The following RASGRF2 variants were observed in gnomAD, a reference collection of about 807,000 sequenced individuals.
RASGRF2 encodes Ras protein specific guanine nucleotide releasing factor 2.
In RASGRF2, 76 loss-of-function variants were observed where a neutral mutation model predicts 151.0. The ratio of observed to expected loss-of-function variants is 0.50; its 90% CI spans 0.42 to 0.61. RASGRF2 has a LOEUF of 0.61. Among genes scored for constraint, RASGRF2 ranks in the 20% least tolerant of loss-of-function variants. RASGRF2 has a pLI of 0.00. For synonymous variants in RASGRF2, 504 were observed against 566.5 expected (o/e 0.89, Z 1.57); for missense variants, 1,148 against 1,564.6 (o/e 0.73, Z 4.49).
intron 4 of RASGRF2, 132 bp from the exon 5 acceptor site, chr5:81,073,067 G>T: frequency 8.8e-7 from 1 of 1,132,444 alleles, no homozygotes. Context: ...ATCATCCCTA[G>T]GGAATCCTTA....
At chr5:80,986,822 G>A (rs1748485998) in intron 1 of RASGRF2, among the ~76,000 whole-genome samples, 2 of 152,122 alleles carry the variant, frequency 1.3e-5, no homozygotes, top group Admixed American at 1.3e-4. Context: ...CATGGCACCT[G>A]TTTCTCTAAA....
intron 5 of RASGRF2, 29 bp downstream of exon 5, chr5:81,073,481 T>C (rs375031716): frequency 4.3e-5 from 68 of 1,588,132 alleles, no homozygotes; most frequent in Admixed American, 2.4e-4. Flanking sequence ...CAAAGAGTTA[T>C]GAGAAAAACC....
chr5:81,144,436 C>T (rs1383616049), intron 17 of RASGRF2, among the ~76,000 whole-genome samples: 2 of 152,234 alleles, frequency 1.3e-5, no homozygotes, highest in African/African-American at 4.8e-5. Flanking sequence ...CCGGCACTTA[C>T]AGCCTATGGC....
chr5:81,087,082 C>T (rs748135938), intron 9 of RASGRF2, 129 bp downstream of exon 9: 49 of 854,928 alleles, frequency 5.7e-5, no homozygotes, highest in Non-Finnish European at 8.4e-5. Context: ...CCACGGCCTT[C>T]GCCGAGGCGG....
intron 18 of RASGRF2, among the ~76,000 whole-genome samples, chr5:81,199,189 A>G (rs1299396956): frequency 6.6e-6 from 1 of 152,190 alleles, no homozygotes; most frequent in Non-Finnish European, 1.5e-5. Flanking sequence ...TCTTGACTCC[A>G]GGTTCACAGG....
At chr5:81,224,756 A>C (rs1755933555) in intron 26 of RASGRF2, among the ~76,000 whole-genome samples, 1 of 152,204 alleles carries the variant, frequency 6.6e-6, no homozygotes, top group South Asian at 2.1e-4. Context: ...ATCTCAAAAC[A>C]CTATGCTGAG....
At chr5:81,089,971 A>G (rs1752343579) in intron 9 of RASGRF2, among the ~76,000 whole-genome samples, 1 of 152,248 alleles carries the variant, frequency 6.6e-6, no homozygotes, top group Non-Finnish European at 1.5e-5. Context: ...CTAAGCTGAC[A>G]TTTTGTACAA....
Position 81,207,303 on chromosome 5 carries a change from C to CAGAT in RASGRF2, c.3026_3029dup (p.Thr1011AspfsTer27). The CAGAT allele has an allele frequency of 6.2e-7, 1 of 1,614,182 alleles. No homozygotes were observed. Among genetic ancestry groups the CAGAT allele is most frequent in the Non-Finnish European group, 8.5e-7 (1 of 1,180,030 alleles). ...CTTGTCGGCCATGGAGCTGGCAGAA[C>CAGAT]AGATCACCCTCCTGGACCATGTCAT... On this transcript the variant is annotated frameshift_variant, in exon 21 of 27. Transcript: ENST00000265080. LOFTEE classifies it high-confidence loss of function.
chr5:81,182,005 A>C (rs1260634996), intron 18 of RASGRF2, among the ~76,000 whole-genome samples: 1 of 152,150 alleles, frequency 6.6e-6, no homozygotes, highest in East Asian at 1.9e-4. Flanking sequence ...TAGTGTATGG[A>C]AGCCCTTTAC....
chr5:81,096,076 T>C (rs1422847683), intron 12 of RASGRF2: 3 of 152,186 alleles, frequency 2.0e-5, no homozygotes, highest in African/African-American at 7.2e-5. Context: ...TGGGTCTTTT[T>C]TTCTGTTTAG....
At chr5:81,144,070 G>T (rs1477176771) in intron 17 of RASGRF2, among the ~76,000 whole-genome samples, 1 of 152,174 alleles carries the variant, frequency 6.6e-6, no homozygotes, top group Non-Finnish European at 1.5e-5. Flanking sequence ...ACAATGAAAA[G>T]TGGAATTTCT....
intron 18 of RASGRF2, among the ~76,000 whole-genome samples, chr5:81,186,234 C>CA (rs1451840914): frequency 3.3e-5 from 5 of 152,162 alleles, no homozygotes; most frequent in Admixed American, 2.0e-4. Context: ...CAATAAACTT[C>CA]AGTGTGTAGG....
chr5:80,988,396 A>G (rs1748545103), intron 1 of RASGRF2, among the ~76,000 whole-genome samples: 1 of 152,158 alleles, frequency 6.6e-6, no homozygotes. Flanking sequence ...GCCAAGGACC[A>G]TGTCTTATTT....
chr5:81,088,925 TA>T (rs1197742859), intron 9 of RASGRF2, among the ~76,000 whole-genome samples: 39 of 152,206 alleles, frequency 2.6e-4, no homozygotes, highest in African/African-American at 8.4e-4. Context: ...ACCACATGTT[TA>T]AGGCACTTCT....
At chr5:81,174,990 A>G (rs1754742413) in intron 17 of RASGRF2, among the ~76,000 whole-genome samples, 1 of 152,188 alleles carries the variant, frequency 6.6e-6, no homozygotes, top group Non-Finnish European at 1.5e-5. Flanking sequence ...TGCAAGAGAA[A>G]CTTAAGGCTT....
At chr5:81,062,010 A>AC (rs1561585729) in intron 2 of RASGRF2, among the ~76,000 whole-genome samples, 9 of 144,788 alleles carry the variant, frequency 6.2e-5, no homozygotes, top group African/African-American at 1.9e-4. Flanking sequence ...AAAAAAAAAA[A>AC]AAAAAAAAAA....
Position 80,960,901 on chromosome 5 carries a change from G to C in RASGRF2, c.163G>C (p.Glu55Gln), listed in dbSNP as rs1747526706. 2 of 1,607,900 alleles carry C rather than the reference G, an allele frequency of 1.2e-6. No individual in the cohort carries two copies. Among genetic ancestry groups the C allele is most frequent in the African/African-American group, 2.7e-5 (2 of 74,742 alleles). ...ALYQNVLFYF[E>Q]GEQSCRPAGM... ...CTACCAGAATGTGCTCTTCTACTTC[G>C]AGGGCGAGCAGAGCTGCCGCCCGGC... The change falls in exon 1 of 27, where the codon GAG becomes CAG. Residue 55 changes from glutamate (E) to glutamine (Q), a missense_variant. Glu to Gln is a conservative substitution (Grantham distance 29). Around this residue, in one of 5 missense-constraint regions of RASGRF2, gnomAD observed 221 missense variants for 271.3 expected, o/e 0.81. Coordinates refer to ENST00000265080, the MANE Select transcript of RASGRF2 (RefSeq NM_006909.3). This position sits in a 1 kb window ranked among gnomAD's most constrained non-coding sequence, Gnocchi z 5.5.
rs1293566629 is a variant in RASGRF2 at position 81,062,920 on chromosome 5, T to C, written c.396-5112T>C. On this transcript the variant is annotated intron_variant, in intron 2 of 26. Coordinates refer to ENST00000265080, the MANE Select transcript of RASGRF2 (RefSeq NM_006909.3). Reference sequence around the variant, plus strand: ...CTGTCTTGTCCTGGTACTTGGTCAGTGATTGGTTGTCTGTGTATTGTTTAT... The same window carrying C: ...CTGTCTTGTCCTGGTACTTGGTCAGCGATTGGTTGTCTGTGTATTGTTTAT... Among the ~76,000 whole-genome samples the C allele has an allele frequency of 2.0e-5, 3 of 152,166 alleles. No homozygotes were observed. In the East Asian group the frequency reaches 5.8e-4, roughly 29 times the overall value.
intron 18 of RASGRF2, among the ~76,000 whole-genome samples, chr5:81,195,197 C>A (rs1431252275): frequency 6.6e-6 from 1 of 151,652 alleles, no homozygotes; most frequent in Non-Finnish European, 1.5e-5. Context: ...ACCCAGGGGC[C>A]CGCGCCAGAG....
Sources: allele counts gnomAD v4.1 joint callset (sites outside exome capture counted in the v4.1 genomes callset), GRCh38; gene constraint gnomAD v4.1.1; regional missense constraint gnomAD v4.1.1; non-coding constraint Gnocchi (gnomAD v3.1); transcripts MANE v1.5; gene names NCBI Gene and HGNC (gene_info 2026-07-23, HGNC 2026-07-21).